Variants in MTHFD1 observed in about 807,000 individuals in gnomAD.
The protein encoded by MTHFD1 is C-1-tetrahydrofolate synthase, cytoplasmic.
In MTHFD1, 44 loss-of-function variants were observed where a neutral mutation model predicts 110.3. The ratio of observed to expected loss-of-function variants is 0.40; its 90% confidence interval spans 0.31 to 0.51. MTHFD1 has a LOEUF of 0.51. Among genes scored for constraint, MTHFD1 ranks in the 20% least tolerant of loss-of-function variants. MTHFD1 has a pLI of 0.60. For synonymous variants in MTHFD1, 402 were observed against 428.8 expected, an observed-to-expected ratio of 0.94 and a Z score of 0.77; for missense variants, 909 against 1,173.1, an observed-to-expected ratio of 0.77 and a Z score of 3.29.
chr14:64,402,991 C>A (rs1444665541), intron 2 of MTHFD1, among the ~76,000 whole-genome samples: 3 of 151,954 alleles, frequency 2.0e-5, no homozygotes, highest in African/African-American at 7.3e-5. Context: ...TTTTTTGGGA[C>A]AGAGTTTTAC....
At chr14:64,392,376 A>G (rs1043003452) in intron 1 of MTHFD1, among the ~76,000 whole-genome samples, 4 of 152,236 alleles carry the variant, frequency 2.6e-5, no homozygotes, top group Non-Finnish European at 5.9e-5. Context: ...GCAAGAAAGC[A>G]TAGTTGTTCT....
Position 64,458,106 on chromosome 14 carries a change from G to A in MTHFD1, c.2719-108G>A. 10 of 885,270 alleles carry A rather than the reference G, an allele frequency of 1.1e-5. No homozygotes were observed. In the South Asian group the frequency reaches 1.3e-4, roughly 12 times the overall value. The allele number at this position is 885,270 out of a possible 1,614,324, so 54.8% of individuals were successfully genotyped here. On this transcript the variant is annotated intron_variant, in intron 26 of 27. Transcript: ENST00000652337. ...GGGTCTCACTATGTTGCCCAGGGTG[G>A]TTTAGAACTCCTGGCCTCAAGTGAT...
intron 2 of MTHFD1, among the ~76,000 whole-genome samples, chr14:64,406,221 TTGAGA>T (rs989976689): frequency 2.0e-5 from 3 of 151,536 alleles, no homozygotes; most frequent in Non-Finnish European, 2.9e-5. Context: ...GTATTTTTAG[TTGAGA>T]TGAGATTTCA....
chr14:64,431,951 TATTTTAGATGAAGTTAC>T, intron 15 of MTHFD1, 90 bp downstream of exon 15: 1 of 1,105,706 alleles, frequency 9.0e-7, no homozygotes. Flanking sequence ...TGGAGTAGCC[TATTTTAGATGAAGTTAC>T]ATCAGTAATC....
At chr14:64,409,061 T>C (rs1413633647) in intron 2 of MTHFD1, among the ~76,000 whole-genome samples, 1 of 152,228 alleles carries the variant, frequency 6.6e-6, no homozygotes, top group Non-Finnish European at 1.5e-5. Flanking sequence ...AACTATTAAG[T>C]TTTCTTTCTG....
intron 22 of MTHFD1, among the ~76,000 whole-genome samples, chr14:64,445,964 T>C (rs910159529): frequency 6.6e-6 from 1 of 152,246 alleles, no homozygotes; most frequent in Admixed American, 6.5e-5. Flanking sequence ...ATCACATTTA[T>C]AATGAACCTA....
intron 1 of MTHFD1, among the ~76,000 whole-genome samples, chr14:64,397,180 TATATATATATAA>T (rs1448626199): frequency 0.15 from 2,266 of 14,948 alleles, 443 homozygotes; most frequent in Non-Finnish European, 0.18. Flanking sequence ...TATATATATA[TATATATATATAA>T]AAAACAGTAA....
chr14:64,399,838 C>G (rs1459965565), intron 1 of MTHFD1, among the ~76,000 whole-genome samples: 10 of 151,980 alleles, frequency 6.6e-5, no homozygotes, highest in Admixed American at 5.9e-4. Flanking sequence ...TGCAATGGCA[C>G]CATCATAGCT....
At position 64,431,053 on chromosome 14, in the gene MTHFD1, GTTTTCT is replaced by G. The variant is rs1262624768; in HGVS notation, c.1312-456_1312-451del. On this transcript the variant is annotated intron_variant, in intron 13 of 27. Coordinates refer to ENST00000652337, the MANE Select transcript of MTHFD1 (RefSeq NM_005956.4). ...TGTGGACAGATAATTAGTCTTTTATGTTTTCTTTTTCTTTTTCTTTTTCTTTTTTTT... is the reference window on the plus strand; with the variant it reads ...TGTGGACAGATAATTAGTCTTTTATGTTTTCTTTTTCTTTTTCTTTTTTTT... Among the ~76,000 whole-genome samples the G allele has an allele frequency of 2.8e-3, 415 of 148,552 alleles. 1 individual carries two copies. Among genetic ancestry groups the G allele is most frequent in the African/African-American group, 8.3e-3 (333 of 40,296 alleles).
chr14:64,454,208 G>A (rs1463298700), intron 25 of MTHFD1, among the ~76,000 whole-genome samples: 1 of 152,166 alleles, frequency 6.6e-6, no homozygotes, highest in Non-Finnish European at 1.5e-5. Flanking sequence ...TGACTCCTAG[G>A]CTCAAGCGAT....
intron 3 of MTHFD1, among the ~76,000 whole-genome samples, chr14:64,411,601 T>C (rs2077984596): frequency 6.6e-6 from 1 of 152,170 alleles, no homozygotes; most frequent in South Asian, 2.1e-4. Context: ...CTGCATTTTT[T>C]ACATAAGATG....
In MTHFD1 at chr14:64,435,579, T is replaced by C. The variant is rs2140971192; in HGVS notation, c.1505T>C (p.Ile502Thr). Residue 502 changes from isoleucine to threonine, a missense_variant, in exon 16 of 28, where the codon ATT (isoleucine) becomes ACT (threonine). Transcript: ENST00000652337. Reference protein sequence around the residue: ...IQIRRLKRLGIEKTDPTTLTD... With the variant: ...IQIRRLKRLGTEKTDPTTLTD... ...TTCCTACACTTTCAGAGACTAGGCATTGAAAAGACTGACCCTACCACACTG... is the reference window on the plus strand; with the variant it reads ...TTCCTACACTTTCAGAGACTAGGCACTGAAAAGACTGACCCTACCACACTG... 4 of 1,593,806 alleles carry C rather than the reference T, an allele frequency of 2.5e-6. 1 individual carries two copies. The highest frequency in any genetic ancestry group is 2.2e-5 in the South Asian group (2 of 90,680).
chr14:64,415,626 T>C lies in MTHFD1; in HGVS notation c.378-13T>C. The C allele has an allele frequency of 2.5e-6, 4 of 1,613,028 alleles. No individual in the cohort carries two copies. The highest frequency in any genetic ancestry group is 3.4e-6 in the Non-Finnish European group (4 of 1,179,008). ...TGCCTTTATTTCCTTCTTATTTCCA[T>C]CACTTTTTTAAGATTGACTAGCATC... On this transcript the variant is annotated splice_polypyrimidine_tract_variant and intron_variant, in intron 5 of 27. Coordinates refer to ENST00000652337, the MANE Select transcript of MTHFD1 (RefSeq NM_005956.4).
At chr14:64,392,203 TG>T (rs34158471) in intron 1 of MTHFD1, among the ~76,000 whole-genome samples, 1 of 152,180 alleles carries the variant, frequency 6.6e-6, no homozygotes, top group Admixed American at 6.5e-5. Context: ...CTTACTGCTT[TG>T]GGGGGTCAAT....
At chr14:64,413,704 T>C (rs529890384) in intron 4 of MTHFD1, among the ~76,000 whole-genome samples, 46 of 152,334 alleles carry the variant, frequency 3.0e-4, no homozygotes, top group African/African-American at 1.1e-3. Flanking sequence ...AGGTGCAAAT[T>C]ATAGAAAATT....
intron 13 of MTHFD1, 90 bp downstream of exon 13, chr14:64,430,320 C>T (rs1292078431): frequency 3.3e-6 from 4 of 1,221,794 alleles, no homozygotes; most frequent in East Asian, 2.4e-5. Flanking sequence ...TTCCCCATGA[C>T]GGAGTCTTGC....
At chr14:64,400,573 A>G (rs2077887914) in intron 1 of MTHFD1, among the ~76,000 whole-genome samples, 1 of 152,088 alleles carries the variant, frequency 6.6e-6, no homozygotes, top group Non-Finnish European at 1.5e-5. Context: ...GTAAAGTCCC[A>G]GCTACTCAGG....
At position 64,433,947 on chromosome 14, in the gene MTHFD1, T is replaced by C. The variant is rs10138837; in HGVS notation, c.1495-1622T>C. 3.4e-3 allele frequency among the ~76,000 whole-genome samples: 523 copies of C among 152,070 alleles called. 4 individuals are homozygous for C. The highest frequency in any genetic ancestry group is 0.012 in the African/African-American group (481 of 41,482). On this transcript the variant is annotated intron_variant, in intron 15 of 27. Transcript: ENST00000652337. ...CGAGAGGCTGACACAAGAGAATCGCTTGAACCTGGGAGGCGGAGGTTGCAG... is the reference window on the plus strand; with the variant it reads ...CGAGAGGCTGACACAAGAGAATCGCCTGAACCTGGGAGGCGGAGGTTGCAG...
intron 26 of MTHFD1, 161 bp from the exon 27 acceptor site, chr14:64,458,053 G>T: frequency 1.5e-6 from 1 of 687,782 alleles, no homozygotes; most frequent in Non-Finnish European, 2.6e-6. Context: ...ATCATATCCA[G>T]CTAATTTTTT....
Sources: allele counts gnomAD v4.1 joint callset (sites outside exome capture counted in the v4.1 genomes callset), GRCh38; gene constraint gnomAD v4.1.1; transcripts MANE v1.5; gene names NCBI Gene and HGNC (gene_info 2026-07-23, HGNC 2026-07-21).